The following ZBBX variants were observed in gnomAD, a reference collection of about 807,000 sequenced individuals.
ZBBX encodes the protein zinc finger B-box domain-containing protein 1.
A neutral mutation model predicts 108.5 loss-of-function variants in ZBBX; 101 were observed. That is an observed-to-expected ratio of 0.93 (90% confidence interval 0.79 to 1.10). The LOEUF (loss-of-function observed/expected upper bound fraction) is 1.10. ZBBX is among the 50% of genes least tolerant of loss of function. The pLI, the probability that ZBBX is intolerant of heterozygous loss-of-function variation, is 0.00. For missense variants in ZBBX, 1,009 were observed against 941.4 expected, an observed-to-expected ratio of 1.07 and a Z score of -0.94; for synonymous variants, 356 against 323.4, an observed-to-expected ratio of 1.10 and a Z score of -1.08.
chr3:167,285,731 T>G (rs2108543482), intron 19 of ZBBX, among the ~76,000 whole-genome samples: 1 of 152,212 alleles, frequency 6.6e-6, no homozygotes, highest in Middle Eastern at 3.4e-3. Context: ...CCTCTAAAAC[T>G]GCCAGGCACT....
chr3:167,397,503 C>A (rs758689778), intron 1 of ZBBX, among the ~76,000 whole-genome samples: 1 of 151,778 alleles, frequency 6.6e-6, no homozygotes, highest in Non-Finnish European at 1.5e-5. Context: ...CGAAAGATTG[C>A]CTGGTCTCAT....
intron 1 of ZBBX, among the ~76,000 whole-genome samples, chr3:167,387,670 C>A (rs542984173): frequency 6.6e-6 from 1 of 151,926 alleles, no homozygotes. Context: ...GGAAGTCATA[C>A]AATTCCGTGA....
intron 9 of ZBBX, among the ~76,000 whole-genome samples, chr3:167,340,827 C>G (rs1166393792): frequency 6.6e-6 from 1 of 151,814 alleles, no homozygotes; most frequent in Non-Finnish European, 1.5e-5. Flanking sequence ...AAGCCCCCAT[C>G]TAAATACATA....
At chr3:167,261,732 T>C (rs1724561121) in intron 20 of ZBBX, among the ~76,000 whole-genome samples, 1 of 143,010 alleles carries the variant, frequency 7.0e-6, no homozygotes, top group East Asian at 2.1e-4. Flanking sequence ...TGTGGAGCTA[T>C]ATGGGTTTGA....
intron 9 of ZBBX, among the ~76,000 whole-genome samples, chr3:167,334,302 G>T (rs1409926747): frequency 6.6e-6 from 1 of 152,110 alleles, no homozygotes; most frequent in Non-Finnish European, 1.5e-5. Context: ...GCCGGGCGTG[G>T]TGGCTCGCTC....
chr3:167,370,471 A>G (rs930512735), intron 4 of ZBBX, among the ~76,000 whole-genome samples: 5 of 152,196 alleles, frequency 3.3e-5, no homozygotes, highest in Non-Finnish European at 7.4e-5. Flanking sequence ...TTGAAAGCCT[A>G]CCACACTTCA....
intron 10 of ZBBX, among the ~76,000 whole-genome samples, chr3:167,333,072 TC>T (rs1047686320): frequency 4.6e-5 from 7 of 151,958 alleles, no homozygotes; most frequent in African/African-American, 1.7e-4. Flanking sequence ...TCAAGCACAC[TC>T]CCTCTGCTGA....
At chr3:167,291,833 T>C (rs559507652) in intron 18 of ZBBX, among the ~76,000 whole-genome samples, 2 of 152,188 alleles carry the variant, frequency 1.3e-5, no homozygotes, top group African/African-American at 2.4e-5. Flanking sequence ...AAGACACACA[T>C]AGGCTCAAAA....
intron 17 of ZBBX, among the ~76,000 whole-genome samples, chr3:167,300,609 C>G (rs775883362): frequency 7.1e-6 from 1 of 141,798 alleles, no homozygotes; most frequent in Non-Finnish European, 1.5e-5. Flanking sequence ...CCCACCAACC[C>G]TTTTTTTTTT....
chr3:167,337,919 T>C (rs1739852853), intron 9 of ZBBX, among the ~76,000 whole-genome samples: 1 of 152,182 alleles, frequency 6.6e-6, no homozygotes, highest in African/African-American at 2.4e-5. Flanking sequence ...CTAAAGATAG[T>C]TTTATTTCCA....
chr3:167,334,655 C>T (rs1739259328), intron 9 of ZBBX, among the ~76,000 whole-genome samples: 1 of 152,020 alleles, frequency 6.6e-6, no homozygotes, highest in African/African-American at 2.4e-5. Flanking sequence ...TGAGTGGGTG[C>T]CAGAGTTAGG....
At chr3:167,253,395 CATCTA>C (rs1434785747) in intron 20 of ZBBX, among the ~76,000 whole-genome samples, 1 of 152,142 alleles carries the variant, frequency 6.6e-6, no homozygotes, top group Non-Finnish European at 1.5e-5. Context: ...GCTGGCTAAT[CATCTA>C]TCTGAAAAAT....
chr3:167,325,067 A>C lies in ZBBX; in HGVS notation c.863-2830T>G, dbSNP rs562624347. Among the ~76,000 whole-genome samples the C allele has an allele frequency of 2.0e-5, 3 of 152,264 alleles. No individual in the cohort carries two copies. The East Asian group carries it at 5.8e-4, about 29-fold the overall frequency. ...CTGTGCGAGTACATCTACATTGATA[A>C]AAACAATCTCATCTAATCTGATTTG... On this transcript the variant is annotated intron_variant, in intron 11 of 21. Coordinates refer to ENST00000675490, the MANE Select transcript of ZBBX (RefSeq NM_001199201.2).
At chr3:167,238,960 A>G (rs569851379), downstream of ZBBX, among the ~76,000 whole-genome samples, 1 of 152,244 alleles carries the variant, frequency 6.6e-6, no homozygotes, top group South Asian at 2.1e-4. Flanking sequence ...ATGTGTGTCT[A>G]TACACATCTA....
At chr3:167,237,388 C>A (rs879734781), downstream of ZBBX, among the ~76,000 whole-genome samples, 1 of 151,886 alleles carries the variant, frequency 6.6e-6, no homozygotes, top group African/African-American at 2.4e-5. Context: ...GTATAAACTA[C>A]GAATTTCAAC....
the ZBBX span, among the ~76,000 whole-genome samples, chr3:167,204,656 G>C: frequency 6.7e-6 from 1 of 149,720 alleles, no homozygotes; most frequent in Non-Finnish European, 1.5e-5. Flanking sequence ...GGACATTTGG[G>C]TTGGTTCCAA....
At chr3:167,334,298 C>T (rs1044490307) in intron 9 of ZBBX, among the ~76,000 whole-genome samples, 4 of 152,070 alleles carry the variant, frequency 2.6e-5, no homozygotes, top group East Asian at 1.9e-4. Context: ...TTAGGCCGGG[C>T]GTGGTGGCTC....
intron 7 of ZBBX, 63 bp downstream of exon 7, chr3:167,360,612 T>A: frequency 1.0e-6 from 1 of 981,244 alleles, no homozygotes; most frequent in Non-Finnish European, 1.4e-6. Flanking sequence ...ACTTTATTTG[T>A]AATTACAATG....
chr3:167,212,993 C>T, the ZBBX span, among the ~76,000 whole-genome samples: 8 of 152,136 alleles, frequency 5.3e-5, no homozygotes, highest in African/African-American at 1.7e-4. Context: ...AAAGACCCTA[C>T]ACAAAGCCTC....
Sources: allele counts gnomAD v4.1 joint callset (sites outside exome capture counted in the v4.1 genomes callset), GRCh38; gene constraint gnomAD v4.1.1; transcripts MANE v1.5; gene names NCBI Gene and HGNC (gene_info 2026-07-23, HGNC 2026-07-21).